Variants in PCSK2 observed in about 807,000 individuals in gnomAD.
PCSK2 encodes the protein neuroendocrine convertase 2.
In PCSK2, 14 loss-of-function variants were observed where a neutral mutation model predicts 69.7. The ratio of observed to expected loss-of-function variants is 0.20; its 90% CI spans 0.13 to 0.31. The LOEUF is 0.31. Among genes scored for constraint, PCSK2 ranks in the 10% least tolerant of loss-of-function variants. PCSK2 has a pLI of 1.00. For synonymous variants in PCSK2, 307 were observed against 320.7 expected (o/e 0.96, Z 0.46); for missense variants, 544 against 842.5 (o/e 0.65, Z 4.39).
chr20:17,411,489 G>A (rs73259767), intron 6 of PCSK2, among the ~76,000 whole-genome samples: 321 of 151,450 alleles, frequency 2.1e-3, no homozygotes, highest in African/African-American at 7.6e-3. Context: ...GCTGAGACTT[G>A]AGTAGGTAAA....
At chr20:17,260,397 C>T (rs1314820551) in intron 2 of PCSK2, 53 bp downstream of exon 2, 2 of 1,263,510 alleles carry the variant, frequency 1.6e-6, no homozygotes, top group East Asian at 4.6e-5. Flanking sequence ...TGGCTGAGCC[C>T]ACCAAGGGGG....
chr20:17,268,031 GTGTATATATATA>G lies in PCSK2; in HGVS notation c.282+7689_282+7700del, dbSNP rs1388368222. On this transcript the variant is annotated intron_variant, in intron 2 of 11. Coordinates refer to ENST00000262545, the MANE Select transcript of PCSK2 (RefSeq NM_002594.5). ...AAGGAAATGCATTTATATATCCAATGTGTATATATATATATATATATATATATATATAATGCA... is the reference window on the plus strand; with the variant it reads ...AAGGAAATGCATTTATATATCCAATGTATATATATATATATATATAATGCA... Among the ~76,000 whole-genome samples the G allele has an allele frequency of 7.3e-3, 856 of 117,876 alleles. 14 individuals are homozygous for G. The highest frequency in any genetic ancestry group is 0.022 in the East Asian group (104 of 4,718). The allele number at this position is 117,876 out of a possible 152,430, so 77.3% of individuals were successfully genotyped here. A position where few individuals can be genotyped will look rare whatever the true frequency, so the allele number is the denominator to read the frequency against.
At position 17,409,343 on chromosome 20, in the gene PCSK2, A is replaced by T. The variant is rs968356688; in HGVS notation, c.620+4A>T. The T allele has an allele frequency of 6.1e-5, 98 of 1,606,924 alleles. No homozygotes were observed. Among genetic ancestry groups the T allele is most frequent in the Non-Finnish European group, 8.1e-5 (95 of 1,173,628 alleles). ...ACACAGATGACTGGTTTAACAGGTAAACTGGGCCTTGGGAGGTCTCTTTGA... is the reference window on the plus strand; with the variant it reads ...ACACAGATGACTGGTTTAACAGGTATACTGGGCCTTGGGAGGTCTCTTTGA... On this transcript the variant is annotated splice_donor_region_variant and intron_variant, in intron 6 of 11. Coordinates refer to ENST00000262545, the MANE Select transcript of PCSK2 (RefSeq NM_002594.5).
chr20:17,474,991 T>C (rs761443229), intron 11 of PCSK2, among the ~76,000 whole-genome samples: 17 of 152,016 alleles, frequency 1.1e-4, no homozygotes, highest in Middle Eastern at 3.4e-3. Flanking sequence ...CTGTTTTAGG[T>C]TGGGTTGCTC....
chr20:17,259,775 G>A (rs932057789), intron 1 of PCSK2, among the ~76,000 whole-genome samples: 1 of 152,170 alleles, frequency 6.6e-6, no homozygotes, highest in African/African-American at 2.4e-5. Context: ...CACAGAAAAA[G>A]CCCAAGACAC....
chr20:17,390,392 C>T (rs2031341930), intron 5 of PCSK2, among the ~76,000 whole-genome samples: 1 of 152,210 alleles, frequency 6.6e-6, no homozygotes, highest in Non-Finnish European at 1.5e-5. Flanking sequence ...ACATATGCTA[C>T]TGTAAATTAT....
chr20:17,458,703 A>T (rs1042569695), intron 10 of PCSK2, among the ~76,000 whole-genome samples: 1 of 152,184 alleles, frequency 6.6e-6, no homozygotes, highest in African/African-American at 2.4e-5. Context: ...AAAGAGAGAG[A>T]ACAACACTTC....
intron 2 of PCSK2, among the ~76,000 whole-genome samples, chr20:17,286,968 C>T (rs1600451306): frequency 6.6e-6 from 1 of 152,200 alleles, no homozygotes; most frequent in East Asian, 1.9e-4. Flanking sequence ...GCAGGGCAGG[C>T]CAGCAGGCTG....
At chr20:17,479,796 C>CAAAAAA (rs5840770) in intron 11 of PCSK2, among the ~76,000 whole-genome samples, 5 of 89,768 alleles carry the variant, frequency 5.6e-5, no homozygotes, top group Non-Finnish European at 1.1e-4. Flanking sequence ...GACTCCGTCT[C>CAAAAAA]AAAAAAAAAA....
intron 2 of PCSK2, among the ~76,000 whole-genome samples, chr20:17,315,868 G>A (rs1469371805): frequency 1.3e-5 from 2 of 152,166 alleles, no homozygotes; most frequent in Admixed American, 6.5e-5. Flanking sequence ...TGAATCCATG[G>A]CCCGCGCGGA....
rs2033439439 is a variant in PCSK2, at chr20:17,483,125, T to G, written c.*1055T>G. The G allele has an allele frequency of 6.6e-6, 1 of 151,972 alleles. No homozygotes were observed. The highest frequency in any genetic ancestry group is 2.4e-5 in the African/African-American group (1 of 41,364). 9.4% of individuals were successfully genotyped at this position (151,972 alleles called of 1,614,324 possible). Reference sequence around the variant, plus strand: ...TCTCATACTCCCCCACAGTTTGATGTCATTAATGTGTTGGGAAAAAGGCCT... The same window carrying G: ...TCTCATACTCCCCCACAGTTTGATGGCATTAATGTGTTGGGAAAAAGGCCT... On this transcript the variant is annotated 3_prime_UTR_variant, in exon 12 of 12. Coordinates refer to ENST00000262545, the MANE Select transcript of PCSK2 (RefSeq NM_002594.5).
At chr20:17,319,474 G>A (rs985925519) in intron 2 of PCSK2, among the ~76,000 whole-genome samples, 1 of 152,160 alleles carries the variant, frequency 6.6e-6, no homozygotes, top group Non-Finnish European at 1.5e-5. Flanking sequence ...ATTGGGCCCT[G>A]TATATCTCCA....
intron 10 of PCSK2, among the ~76,000 whole-genome samples, chr20:17,457,783 G>A (rs1426499669): frequency 6.6e-6 from 1 of 152,204 alleles, no homozygotes; most frequent in Non-Finnish European, 1.5e-5. Context: ...GCTGAGCTGT[G>A]CAGAGCCAGG....
At chr20:17,420,875 G>A (rs1176384986) in intron 6 of PCSK2, among the ~76,000 whole-genome samples, 1 of 152,170 alleles carries the variant, frequency 6.6e-6, no homozygotes, top group East Asian at 1.9e-4. Flanking sequence ...CAGGTATAGA[G>A]TGCTTGGTAC....
intron 2 of PCSK2, among the ~76,000 whole-genome samples, chr20:17,312,582 G>C (rs757196105): frequency 1.3e-5 from 2 of 151,988 alleles, no homozygotes; most frequent in African/African-American, 2.4e-5. Flanking sequence ...CACCTGACCT[G>C]ACCCCCAGTT....
intron 2 of PCSK2, among the ~76,000 whole-genome samples, chr20:17,280,814 T>C (rs562542744): frequency 6.6e-6 from 1 of 152,312 alleles, no homozygotes; most frequent in East Asian, 1.9e-4. Flanking sequence ...AATAAGCATA[T>C]CTGACAGTGT....
At chr20:17,331,264 T>A (rs1351698897) in intron 2 of PCSK2, among the ~76,000 whole-genome samples, 1 of 152,236 alleles carries the variant, frequency 6.6e-6, no homozygotes, top group Non-Finnish European at 1.5e-5. Context: ...TTTCAGCACA[T>A]CTGCAGCACG....
At chr20:17,468,717 G>A (rs1016140990) in intron 11 of PCSK2, among the ~76,000 whole-genome samples, 6 of 150,750 alleles carry the variant, frequency 4.0e-5, no homozygotes, top group African/African-American at 9.8e-5. Flanking sequence ...CACCCTCCAT[G>A]GGCCAGTGTC....
chr20:17,314,971 A>T (rs1989632630), intron 2 of PCSK2, among the ~76,000 whole-genome samples: 1 of 152,164 alleles, frequency 6.6e-6, no homozygotes, highest in South Asian at 2.1e-4. Context: ...ATAATGAAGG[A>T]CTTCCCTACA....
Sources: allele counts gnomAD v4.1 joint callset (sites outside exome capture counted in the v4.1 genomes callset), GRCh38; gene constraint gnomAD v4.1.1; transcripts MANE v1.5; gene names NCBI Gene and HGNC (gene_info 2026-07-23, HGNC 2026-07-21).